The following SMC1A variants were observed in gnomAD, a reference collection of about 807,000 sequenced individuals.
The protein encoded by SMC1A is structural maintenance of chromosomes protein 1A.
A neutral mutation model predicts 94.5 loss-of-function variants in SMC1A; 4 were observed. The ratio of observed to expected loss-of-function variants is 0.04; its 90% confidence interval spans 0.02 to 0.10. The LOEUF (loss-of-function observed/expected upper bound fraction) is 0.10, where lower values mean the gene tolerates loss of function less well. Ranked by LOEUF, SMC1A falls within the 10% of genes least tolerant of loss-of-function variation. SMC1A has a pLI of 1.00. For missense variants in SMC1A, 304 were observed against 989.0 expected, an observed-to-expected ratio of 0.31 and a Z score of 9.29; for synonymous variants, 345 against 347.7, an observed-to-expected ratio of 0.99 and a Z score of 0.09.
chrX:53,404,175 G>A (rs1321922980), intron 13 of SMC1A, among the ~76,000 whole-genome samples: 1 of 111,265 alleles, frequency 9.0e-6, no homozygotes, highest in Admixed American at 9.6e-5. Flanking sequence ...CCTGGGGGCA[G>A]AGTTGTTTCA....
intron 1 of SMC1A, among the ~76,000 whole-genome samples, chrX:53,419,652 C>T (rs782194405): frequency 1.0e-3 from 109 of 108,805 alleles, no homozygotes; most frequent in Non-Finnish European, 1.9e-3. Context: ...GGTGAAACCC[C>T]GTCTCTACTA....
chrX:53,396,964 C>T (rs912758569), intron 16 of SMC1A, among the ~76,000 whole-genome samples: 7 of 111,672 alleles, frequency 6.3e-5, no homozygotes, highest in Non-Finnish European at 1.1e-4. Context: ...TGAGACTAGA[C>T]TGTAATTAAA....
chrX:53,420,920 A>G (rs1307728416), intron 1 of SMC1A, among the ~76,000 whole-genome samples: 2 of 112,207 alleles, frequency 1.8e-5, no homozygotes, highest in African/African-American at 6.5e-5. Context: ...CTTAATAAAC[A>G]TTAACGTGTA....
chrX:53,405,090 A>G lies in SMC1A; in HGVS notation c.2118T>C (p.His706=), dbSNP rs782137568. 5.0e-6 allele frequency: 6 copies of G among 1,207,558 alleles called. No individual in the cohort carries two copies. Among genetic ancestry groups the G allele is most frequent in the South Asian group, 3.6e-5 (2 of 56,291 alleles). ...AELRQVQSQA[H]GLQMRLKYSQ... ...AGTACTTGAGCCGCATCTGCAGTCC[A>G]TGGGCCTGAGACTGCACCTGACGCA... is the stretch of plus-strand genomic sequence containing the variant. Residue 706 remains histidine, a synonymous_variant, in exon 13 of 25, where the codon CAT becomes CAC. Transcript: ENST00000322213.
chrX:53,414,706 G>A, intron 3 of SMC1A, 52 bp downstream of exon 3: 7 of 762,445 alleles, frequency 9.2e-6, no homozygotes, highest in African/African-American at 2.0e-5. Flanking sequence ...GAGTGGGGAT[G>A]GGACATGGTC....
chrX:53,382,887 GTGACCTTGAAC>G (rs1319807117), intron 20 of SMC1A, among the ~76,000 whole-genome samples, 199 bp downstream of exon 20: 1 of 111,417 alleles, frequency 9.0e-6, no homozygotes, highest in Non-Finnish European at 1.9e-5. Context: ...AACCAGCTGT[GTGACCTTGAAC>G]AGGTCATTTA....
Position 53,404,045 on chromosome X carries a change from G to A in SMC1A, c.2197-152C>T, listed in dbSNP as rs889403491. 1.6e-4 allele frequency: 81 copies of A among 506,840 alleles called. No homozygotes were observed. The African/African-American group carries it at 1.7e-3, about 11-fold the overall frequency. 41.8% of individuals were successfully genotyped at this position (506,840 alleles called of 1,213,427 possible). A position where few individuals can be genotyped will look rare whatever the true frequency, so the allele number is the denominator to read the frequency against. On this transcript the variant is annotated intron_variant, in intron 13 of 24. Coordinates refer to ENST00000322213, the MANE Select transcript of SMC1A (RefSeq NM_006306.4). ...ACTGCCCTAGTCAAGCCTCCATGAT[G>A]TTGCACTGAAGCCATCACATGGCTT...
intron 16 of SMC1A, among the ~76,000 whole-genome samples, chrX:53,397,592 T>A (rs782169650): frequency 2.4e-3 from 257 of 105,670 alleles, no homozygotes; most frequent in Middle Eastern, 0.024. Flanking sequence ...AAAAAAAAAA[T>A]AATAATCACA....
At chrX:53,394,738 CA>C in intron 19 of SMC1A, 39 bp downstream of exon 19, 1 of 503,399 alleles carries the variant, frequency 2.0e-6, no homozygotes, top group Non-Finnish European at 3.4e-6. Context: ...CACTCCCACC[CA>C]ACCCCCACCC....
chrX:53,389,848 T>C (rs1338584039), intron 19 of SMC1A, among the ~76,000 whole-genome samples: 7 of 87,261 alleles, frequency 8.0e-5, no homozygotes, highest in Middle Eastern at 5.2e-3. Context: ...ATTTCTTTTT[T>C]TTTTTTTTTT....
Position 53,411,825 on chromosome X carries a change from T to A in SMC1A, c.1190A>T (p.Asn397Ile), listed in dbSNP as rs782697006. The A allele has an allele frequency of 1.7e-6, 2 of 1,211,688 alleles. No individual in the cohort carries two copies. The highest frequency in any genetic ancestry group is 1.1e-6 in the Non-Finnish European group (1 of 895,359). Residue 397 changes from asparagine to isoleucine, a missense_variant, in exon 7 of 25, where the codon AAT (asparagine) becomes ATT (isoleucine). Transcript: ENST00000322213. ...ATLAQELEKFNRDQKADQDRL... is the reference protein window; with the variant it reads ...ATLAQELEKFIRDQKADQDRL... ...GTCCTGGTCAGCTTTCTGGTCTCGA[T>A]TGAATTTCTCCAGCTCCTGGGCCAG...
chrX:53,404,695 G>A (rs1471972014), intron 13 of SMC1A, among the ~76,000 whole-genome samples: 1 of 111,266 alleles, frequency 9.0e-6, no homozygotes, highest in African/African-American at 3.3e-5. Flanking sequence ...GGTTTGGCCA[G>A]GCTGGTCTCC....
At chrX:53,422,268 C>G (rs1042459904) in intron 1 of SMC1A, among the ~76,000 whole-genome samples, 25 of 111,886 alleles carry the variant, frequency 2.2e-4, no homozygotes, top group African/African-American at 7.1e-4. Flanking sequence ...ACCACTGGGC[C>G]GGGGCGGGGG....
chrX:53,409,358 G>T, intron 8 of SMC1A, 63 bp downstream of exon 8: 1 of 1,141,728 alleles, frequency 8.8e-7, no homozygotes, highest in Non-Finnish European at 1.2e-6. Flanking sequence ...ATGAAGAGGG[G>T]CATGTAGGTA....
chrX:53,391,016 AAAAG>A (rs2075627287), intron 19 of SMC1A, among the ~76,000 whole-genome samples: 1 of 103,155 alleles, frequency 9.7e-6, no homozygotes, highest in Non-Finnish European at 2.0e-5. Context: ...AAAAAAAAAA[AAAAG>A]AAGAAAAATG....
At chrX:53,422,164 G>A in intron 1 of SMC1A, 1 of 777,799 alleles carries the variant, frequency 1.3e-6, no homozygotes, top group Non-Finnish European at 1.8e-6. Context: ...GGGGAGCCGC[G>A]CGGCGGAGGA....
intron 15 of SMC1A, among the ~76,000 whole-genome samples, chrX:53,403,211 TC>T: frequency 1.2e-5 from 1 of 85,208 alleles, no homozygotes; most frequent in African/African-American, 4.3e-5. Context: ...AAACAGGTAA[TC>T]TTAAAAAAAA....
At chrX:53,416,399 T>C (rs1556891312) in intron 1 of SMC1A, among the ~76,000 whole-genome samples, 1 of 107,586 alleles carries the variant, frequency 9.3e-6, no homozygotes. Flanking sequence ...TGGGAGGTTT[T>C]TTTTTCTTTT....
At chrX:53,397,690 G>A (rs781982179) in intron 16 of SMC1A, among the ~76,000 whole-genome samples, 1 of 111,780 alleles carries the variant, frequency 8.9e-6, no homozygotes, top group East Asian at 2.8e-4. Flanking sequence ...AAGATAATGC[G>A]GCAACATGTT....
Sources: allele counts gnomAD v4.1 joint callset (sites outside exome capture counted in the v4.1 genomes callset), GRCh38; gene constraint gnomAD v4.1.1; transcripts MANE v1.5; gene names NCBI Gene and HGNC (gene_info 2026-07-23, HGNC 2026-07-21).